Variants in RCHY1 observed in about 807,000 individuals in gnomAD.
The protein encoded by RCHY1 is RING finger and CHY zinc finger domain-containing protein 1.
RCHY1 carries 21 observed loss-of-function variants against 41.6 expected under a neutral mutation model. That is an observed-to-expected ratio of 0.51 (90% CI 0.36 to 0.73). The LOEUF (loss-of-function observed/expected upper bound fraction) is 0.73. RCHY1 is among the 30% of genes least tolerant of loss of function. The probability of loss-of-function intolerance (pLI) is 0.00; values close to 1 mark genes in which losing one functional copy is unlikely to be tolerated. For missense variants in RCHY1, 265 were observed against 325.3 expected, an observed-to-expected ratio of 0.81 and a Z score of 1.43; for synonymous variants, 79 against 102.9, an observed-to-expected ratio of 0.77 and a Z score of 1.41.
At chr4:75,509,035 A>G (rs1724605193) in intron 2 of RCHY1, 100 bp from the exon 3 acceptor site, 4 of 1,163,734 alleles carry the variant, frequency 3.4e-6, no homozygotes, top group East Asian at 2.5e-5. Flanking sequence ...GTTTATTTTT[A>G]TAAGTTTTGA....
At chr4:75,513,389 A>G (rs934053557) in intron 1 of RCHY1, among the ~76,000 whole-genome samples, 1 of 152,212 alleles carries the variant, frequency 6.6e-6, no homozygotes, top group African/African-American at 2.4e-5. Context: ...CACGCCCTTT[A>G]GTATATAATC....
Position 75,514,321 on chromosome 4 carries a change from C to G in RCHY1, c.-35G>C, listed in dbSNP as rs201951635. 3.1e-4 allele frequency: 493 copies of G among 1,593,516 alleles called. No homozygotes were observed. The highest frequency in any genetic ancestry group is 3.9e-4 in the Non-Finnish European group (457 of 1,164,642). ...CTCCCCTCACATTCCACCGATCCTT[C>G]CCCCAGGATAAAAACCACGCCCAGA... On this transcript the variant is annotated 5_prime_UTR_variant, in exon 1 of 9. Transcript: ENST00000324439.
At chr4:75,494,312 C>G (rs1396833438) in intron 3 of RCHY1, 133 bp from the exon 4 acceptor site, 2 of 644,338 alleles carry the variant, frequency 3.1e-6, no homozygotes, top group Admixed American at 6.8e-5. Context: ...GGATAAATCC[C>G]TATCTCCCCA....
intron 8 of RCHY1, among the ~76,000 whole-genome samples, chr4:75,484,841 T>C (rs932465482): frequency 2.0e-5 from 3 of 152,106 alleles, no homozygotes; most frequent in Non-Finnish European, 4.4e-5. Context: ...AGAAGTGCAT[T>C]TGATGATGGC....
chr4:75,513,650 T>C (rs890633789), intron 1 of RCHY1, among the ~76,000 whole-genome samples: 4 of 152,206 alleles, frequency 2.6e-5, no homozygotes, highest in African/African-American at 9.7e-5. Context: ...TAACAATACA[T>C]GCTTATTAGG....
chr4:75,512,122 G>C (rs1173676491), intron 1 of RCHY1, among the ~76,000 whole-genome samples: 1 of 152,126 alleles, frequency 6.6e-6, no homozygotes, highest in Non-Finnish European at 1.5e-5. Context: ...GGTGAATATG[G>C]CTAGAGAAAA....
At chr4:75,513,892 G>A (rs1487999525) in intron 1 of RCHY1, 1 of 247,364 alleles carries the variant, frequency 4.0e-6, no homozygotes, top group Non-Finnish European at 7.8e-6. Context: ...CCCCAGTACA[G>A]GCCCGGGGCT....
intron 4 of RCHY1, 72 bp from the exon 5 acceptor site, chr4:75,492,005 AT>A: frequency 3.3e-6 from 4 of 1,195,800 alleles, no homozygotes; most frequent in Non-Finnish European, 4.6e-6. Context: ...AATATTAATA[AT>A]AAAAATTAAC....
upstream of RCHY1, chr4:75,514,481 T>C: frequency 1.8e-6 from 1 of 555,386 alleles, no homozygotes; most frequent in South Asian, 2.7e-5. Context: ...GCAGACGCAG[T>C]CTCCGTCGTT....
Position 75,514,254 on chromosome 4 carries a change from G to C in RCHY1, c.33C>G (p.Ser11Arg), listed in dbSNP as rs368916977. 4.3e-6 allele frequency: 7 copies of C among 1,612,230 alleles called. No individual in the cohort carries two copies. The highest frequency in any genetic ancestry group is 5.9e-6 in the Non-Finnish European group (7 of 1,178,568). The change falls in exon 1 of 9, where the codon AGC (serine) becomes AGG (arginine). Residue 11 changes from serine (S) to arginine (R), a missense_variant. Coordinates refer to ENST00000324439, the MANE Select transcript of RCHY1 (RefSeq NM_015436.4). Reference protein sequence around the residue: MAATAREDGASGQERGQRGCE... With the variant: MAATAREDGARGQERGQRGCE... ...AGCCCCGCTGACCTCGCTCTTGACC[G>C]CTGGCGCCATCTTCCCGGGCCGTCG... is the stretch of plus-strand genomic sequence containing the variant.
chr4:75,499,214 C>G (rs1382890144), intron 3 of RCHY1, among the ~76,000 whole-genome samples: 1 of 152,020 alleles, frequency 6.6e-6, no homozygotes. Context: ...AAATCAAAAC[C>G]ACAATGAGGT....
rs1182566496 is a variant in RCHY1, at chr4:75,487,766, ATT to A, written c.657+2813_657+2814del. ...TCATATATATATTCATAATATATAT[ATT>A]CATATATATATTCATAATATATATA... is the stretch of plus-strand genomic sequence containing the variant. On this transcript the variant is annotated intron_variant, in intron 8 of 8. Coordinates refer to ENST00000324439, the MANE Select transcript of RCHY1 (RefSeq NM_015436.4). Among the ~76,000 whole-genome samples, 2 of 107,556 alleles carry A rather than the reference ATT, an allele frequency of 1.9e-5. 1 individual carries two copies. The highest frequency in any genetic ancestry group is 3.5e-5 in the Non-Finnish European group (2 of 57,634). The allele number at this position is 107,556 out of a possible 152,430, so 70.6% of individuals were successfully genotyped here. A position where few individuals can be genotyped will look rare whatever the true frequency, so the allele number is the denominator to read the frequency against.
chr4:75,514,471 G>A (rs1209245806), upstream of RCHY1: 5 of 581,672 alleles, frequency 8.6e-6, no homozygotes, highest in Non-Finnish European at 1.5e-5. Context: ...GGAAGCGAAG[G>A]CAGACGCAGT....
At chr4:75,488,600 T>C (rs1318578460) in intron 8 of RCHY1, among the ~76,000 whole-genome samples, 2 of 152,178 alleles carry the variant, frequency 1.3e-5, no homozygotes, top group Non-Finnish European at 2.9e-5. Flanking sequence ...CTGAAATTGT[T>C]TAGATTTCAA....
rs568704184 is a variant in RCHY1 at position 75,484,682 on chromosome 4, G to A, written c.658-2016C>T. ...CTTCTGGCTCTGCCTACATTTACAA[G>A]TGTAAGTATTAGGCCCCAGAAGCAG... On this transcript the variant is annotated intron_variant, in intron 8 of 8. Transcript: ENST00000324439. 2.0e-5 allele frequency among the ~76,000 whole-genome samples: 3 copies of A among 152,278 alleles called. No homozygotes were observed. The South Asian group carries it at 6.2e-4, about 32-fold the overall frequency.
chr4:75,496,443 C>T (rs1723218873), intron 3 of RCHY1, among the ~76,000 whole-genome samples: 1 of 152,010 alleles, frequency 6.6e-6, no homozygotes, highest in Non-Finnish European at 1.5e-5. Context: ...CACAGAGAAA[C>T]CTCTGAAATA....
At chr4:75,506,493 G>A (rs1724322864) in intron 3 of RCHY1, among the ~76,000 whole-genome samples, 1 of 151,988 alleles carries the variant, frequency 6.6e-6, no homozygotes, top group Admixed American at 6.6e-5. Flanking sequence ...CAAGAATGAA[G>A]ATAAAATATA....
At chr4:75,510,000 T>C (rs1448057122) in intron 1 of RCHY1, among the ~76,000 whole-genome samples, 4 of 152,242 alleles carry the variant, frequency 2.6e-5, no homozygotes, top group African/African-American at 9.6e-5. Context: ...CATTTCCAGA[T>C]AAATTCATTT....
At chr4:75,491,680 C>T in intron 6 of RCHY1, 43 bp from the exon 7 acceptor site, 1 of 1,601,414 alleles carries the variant, frequency 6.2e-7, no homozygotes. Flanking sequence ...CAAAAACTGT[C>T]TCCACTATTT....
Sources: gnomAD v4.1 joint callset for allele counts (sites outside exome capture counted in the v4.1 genomes callset) on GRCh38, gnomAD v4.1.1 for gene constraint, MANE v1.5 for transcripts, NCBI Gene and HGNC (gene_info 2026-07-23, HGNC 2026-07-21) for gene names.